TRAPPC9: variants seen among roughly 807,000 people sequenced by gnomAD.
TRAPPC9 encodes the protein IKK2 binding protein.
In TRAPPC9, 83 loss-of-function variants were observed where a neutral mutation model predicts 124.0. The observed-to-expected ratio is 0.67, with a 90% CI of 0.56 to 0.80. TRAPPC9 has a LOEUF of 0.80. Ranked by LOEUF, TRAPPC9 falls within the 30% of genes least tolerant of loss-of-function variation. TRAPPC9 has a pLI of 0.00. For missense variants in TRAPPC9, 1,302 were observed against 1,508.3 expected (o/e 0.86, Z 2.27); for synonymous variants, 638 against 617.5 (o/e 1.03, Z -0.49).
chr8:139,785,598 G>A (rs1232862525), intron 21 of TRAPPC9, among the ~76,000 whole-genome samples: 4 of 151,538 alleles, frequency 2.6e-5, no homozygotes, highest in East Asian at 1.9e-4. Flanking sequence ...GTGTGGTGGC[G>A]GGCACCTGCA....
At chr8:140,313,405 G>A (rs940125473) in intron 9 of TRAPPC9, among the ~76,000 whole-genome samples, 1 of 152,182 alleles carries the variant, frequency 6.6e-6, no homozygotes, top group Non-Finnish European at 1.5e-5. Context: ...GTATCACTCG[G>A]CTAAGCTCTG....
At chr8:139,785,597 C>T (rs1276103460) in intron 21 of TRAPPC9, among the ~76,000 whole-genome samples, 1 of 151,252 alleles carries the variant, frequency 6.6e-6, no homozygotes, top group Non-Finnish European at 1.5e-5. Flanking sequence ...GGTGTGGTGG[C>T]GGGCACCTGC....
intron 4 of TRAPPC9, among the ~76,000 whole-genome samples, chr8:140,428,569 C>T (rs1414766052): frequency 6.6e-6 from 1 of 152,130 alleles, no homozygotes; most frequent in Non-Finnish European, 1.5e-5. Context: ...ACACCATCAC[C>T]CCTGCCTGTA....
At chr8:140,219,998 C>A (rs1339729269) in intron 17 of TRAPPC9, among the ~76,000 whole-genome samples, 2 of 152,198 alleles carry the variant, frequency 1.3e-5, no homozygotes, top group Non-Finnish European at 2.9e-5. Flanking sequence ...ACTGGCTGCC[C>A]ACAAAGCTCC....
At chr8:140,294,155 T>A (rs2065740378) in intron 11 of TRAPPC9, among the ~76,000 whole-genome samples, 1 of 152,116 alleles carries the variant, frequency 6.6e-6, no homozygotes, top group Non-Finnish European at 1.5e-5. Flanking sequence ...CCCTACTGCT[T>A]CACCTCTCAG....
intron 17 of TRAPPC9, among the ~76,000 whole-genome samples, chr8:140,025,402 C>T (rs115492967): frequency 5.1e-4 from 78 of 152,162 alleles, no homozygotes; most frequent in African/African-American, 1.6e-3. Flanking sequence ...GAGAAGAATA[C>T]GCAACAGAGA....
At chr8:140,442,977 A>T (rs968035390) in intron 2 of TRAPPC9, among the ~76,000 whole-genome samples, 1 of 147,548 alleles carries the variant, frequency 6.8e-6, no homozygotes, top group Non-Finnish European at 1.5e-5. Flanking sequence ...TACTAAAAAT[A>T]CAAGAATTAG....
chr8:139,973,526 C>T (rs961596132), intron 19 of TRAPPC9, among the ~76,000 whole-genome samples: 1 of 152,196 alleles, frequency 6.6e-6, no homozygotes, highest in South Asian at 2.1e-4. Flanking sequence ...AGGGGGCAAA[C>T]TGAAAAAGTT....
At chr8:139,912,443 G>T (rs573575868) in intron 19 of TRAPPC9, among the ~76,000 whole-genome samples, 1 of 152,260 alleles carries the variant, frequency 6.6e-6, no homozygotes, top group East Asian at 1.9e-4. Flanking sequence ...GACTATTGTA[G>T]AAAAAGACCT....
At chr8:140,432,857 G>A (rs1437652009) in intron 4 of TRAPPC9, among the ~76,000 whole-genome samples, 1 of 150,610 alleles carries the variant, frequency 6.6e-6, no homozygotes, top group Non-Finnish European at 1.5e-5. Context: ...GGGCAACAGA[G>A]CAAGACTCTG....
intron 21 of TRAPPC9, among the ~76,000 whole-genome samples, chr8:139,851,133 T>G (rs976619555): frequency 1.3e-5 from 2 of 152,178 alleles, no homozygotes; most frequent in Non-Finnish European, 2.9e-5. Context: ...TGTCAGTGAA[T>G]AGAGGAACTT....
intron 9 of TRAPPC9, among the ~76,000 whole-genome samples, chr8:140,337,523 G>T (rs1466307771): frequency 6.6e-6 from 1 of 152,200 alleles, no homozygotes; most frequent in Non-Finnish European, 1.5e-5. Context: ...ATCAGGACTT[G>T]TCAATCCAGA....
chr8:139,765,248 C>T (rs965311745), intron 21 of TRAPPC9, among the ~76,000 whole-genome samples: 11 of 152,212 alleles, frequency 7.2e-5, no homozygotes, highest in Non-Finnish European at 4.4e-5. Flanking sequence ...TGGGTAACTG[C>T]CCAAGTTCTG....
At chr8:139,924,547 G>T (rs960001992) in intron 19 of TRAPPC9, among the ~76,000 whole-genome samples, 2 of 152,196 alleles carry the variant, frequency 1.3e-5, no homozygotes, top group African/African-American at 4.8e-5. Context: ...CCGGGCCCTG[G>T]CACAATCCTA....
chr8:140,039,175 C>T (rs144629972), intron 17 of TRAPPC9, among the ~76,000 whole-genome samples: 68 of 152,326 alleles, frequency 4.5e-4, no homozygotes, highest in Middle Eastern at 6.8e-3. Flanking sequence ...CCATCAAATC[C>T]ACTTTTACTG....
intron 1 of TRAPPC9, chr8:140,456,902 A>ATTGGGACC (rs2071686648): frequency 1.3e-5 from 12 of 924,954 alleles, no homozygotes; most frequent in Non-Finnish European, 1.5e-5. Flanking sequence ...GTTAACAGAC[A>ATTGGGACC]TTCACGTTGG....
chr8:140,258,555 T>A (rs2064324929), intron 15 of TRAPPC9, among the ~76,000 whole-genome samples: 1 of 151,902 alleles, frequency 6.6e-6, no homozygotes, highest in African/African-American at 2.4e-5. Flanking sequence ...TCTCTAGGGG[T>A]TTTGCCAGCA....
intron 16 of TRAPPC9, among the ~76,000 whole-genome samples, chr8:140,239,804 A>G (rs2063817146): frequency 6.6e-6 from 1 of 152,214 alleles, no homozygotes; most frequent in East Asian, 1.9e-4. Flanking sequence ...GAGAAAAAGA[A>G]ATATTATGGC....
intron 19 of TRAPPC9, among the ~76,000 whole-genome samples, chr8:139,949,800 G>A (rs1834520637): frequency 6.6e-6 from 1 of 152,164 alleles, no homozygotes; most frequent in South Asian, 2.1e-4. Flanking sequence ...AGCATGGTAG[G>A]TGATAGTGTT....
Sources: gnomAD v4.1 joint callset for allele counts (sites outside exome capture counted in the v4.1 genomes callset) on GRCh38, gnomAD v4.1.1 for gene constraint, MANE v1.5 for transcripts, NCBI Gene and HGNC (gene_info 2026-07-23, HGNC 2026-07-21) for gene names.